Variants in DDAH1 observed in about 807,000 individuals in gnomAD.
DDAH1 encodes the protein N(G),N(G)-dimethylarginine dimethylaminohydrolase 1.
In DDAH1, 19 loss-of-function variants were observed where a neutral mutation model predicts 28.8. The observed-to-expected ratio is 0.66, with a 90% confidence interval of 0.46 to 0.97. DDAH1 has a LOEUF of 0.97. Ranked by LOEUF, DDAH1 falls within the 50% of genes least tolerant of loss-of-function variation. The pLI, the probability that DDAH1 is intolerant of heterozygous loss-of-function variation, is 0.00. For synonymous variants in DDAH1, 153 were observed against 154.4 expected, an observed-to-expected ratio of 0.99 and a Z score of 0.07; for missense variants, 326 against 375.9, an observed-to-expected ratio of 0.87 and a Z score of 1.10.
intron 1 of DDAH1, among the ~76,000 whole-genome samples, chr1:85,530,982 C>T (rs1570647673): frequency 1.0e-5 from 1 of 96,502 alleles, no homozygotes; most frequent in African/African-American, 4.2e-5. Context: ...TAGAGTGAGA[C>T]TCTGTCTCAA....
At chr1:85,524,729 G>T (rs541124676) in intron 1 of DDAH1, among the ~76,000 whole-genome samples, 7 of 151,902 alleles carry the variant, frequency 4.6e-5, no homozygotes, top group Admixed American at 3.9e-4. Flanking sequence ...TCCAGTTACT[G>T]GTTGCGTAAT....
chr1:85,368,136 T>C (rs12079965), intron 1 of DDAH1, among the ~76,000 whole-genome samples: 2,652 of 152,302 alleles, frequency 0.017, 89 homozygotes, highest in African/African-American at 0.061. Context: ...ATCCTGCCTA[T>C]AGAAGACAGT....
chr1:85,345,917 A>G lies in DDAH1; in HGVS notation c.597+4498T>C, dbSNP rs1570407258. ...TGAATTTATGTGTTCTGGGCTTTTT[A>G]GCTGAGAATTGCTAAACTCTTCCTA... On this transcript the variant is annotated intron_variant, in intron 4 of 5. Transcript: ENST00000284031. Among the ~76,000 whole-genome samples, 4 of 152,190 alleles carry G rather than the reference A, an allele frequency of 2.6e-5. No homozygotes were observed. In the South Asian group the frequency reaches 6.2e-4, roughly 24 times the overall value.
At chr1:85,512,052 A>G (rs1657258364) in intron 1 of DDAH1, among the ~76,000 whole-genome samples, 1 of 152,224 alleles carries the variant, frequency 6.6e-6, no homozygotes, top group Non-Finnish European at 1.5e-5. Context: ...ACAAAAAAAG[A>G]GAATTTTAGA....
At chr1:85,381,609 A>T (rs904976140) in intron 1 of DDAH1, among the ~76,000 whole-genome samples, 1 of 151,994 alleles carries the variant, frequency 6.6e-6, no homozygotes, top group African/African-American at 2.4e-5. Flanking sequence ...TTTATATACA[A>T]TGAGTATTTT....
intron 1 of DDAH1, among the ~76,000 whole-genome samples, chr1:85,421,177 C>T (rs932191894): frequency 1.3e-5 from 2 of 152,152 alleles, no homozygotes; most frequent in Non-Finnish European, 2.9e-5. Context: ...CCCATCAGGC[C>T]CCACCTCCAA....
At chr1:85,477,315 C>T (rs1001546527) in intron 2 of DDAH1, among the ~76,000 whole-genome samples, 1 of 152,080 alleles carries the variant, frequency 6.6e-6, no homozygotes, top group African/African-American at 2.4e-5. Flanking sequence ...GTAAGGGCTC[C>T]ATAAATACGT....
intron 5 of DDAH1, among the ~76,000 whole-genome samples, chr1:85,323,313 G>A (rs1271164881): frequency 6.6e-6 from 1 of 152,178 alleles, no homozygotes; most frequent in East Asian, 1.9e-4. Flanking sequence ...CCTCCGGGCA[G>A]AGATGAGATG....
chr1:85,493,233 C>T (rs762991589), intron 2 of DDAH1, among the ~76,000 whole-genome samples: 37 of 152,078 alleles, frequency 2.4e-4, no homozygotes, highest in Non-Finnish European at 5.1e-4. Flanking sequence ...AGGTGCTATG[C>T]CTACCTTGCT....
intron 2 of DDAH1, among the ~76,000 whole-genome samples, chr1:85,355,450 A>T (rs1045530688): frequency 4.6e-5 from 7 of 152,194 alleles, no homozygotes; most frequent in Non-Finnish European, 1.0e-4. Context: ...ACAAAATGTT[A>T]TCGAACTAAA....
At chr1:85,511,130 C>T (rs1657214717) in intron 1 of DDAH1, among the ~76,000 whole-genome samples, 1 of 152,126 alleles carries the variant, frequency 6.6e-6, no homozygotes, top group Non-Finnish European at 1.5e-5. Context: ...TATGAAAGAC[C>T]AGAAATCACA....
At chr1:85,324,705 C>A in intron 5 of DDAH1, 35 bp downstream of exon 5, 1 of 1,610,606 alleles carries the variant, frequency 6.2e-7, no homozygotes, top group South Asian at 1.1e-5. Flanking sequence ...GGGAGGCTGA[C>A]CCAGCTGCAG....
intron 1 of DDAH1, among the ~76,000 whole-genome samples, chr1:85,549,705 AAG>A (rs1172753888): frequency 6.6e-6 from 1 of 152,204 alleles, no homozygotes; most frequent in East Asian, 1.9e-4. Flanking sequence ...TAAGAGAAAT[AAG>A]AGTGTCTTTG....
chr1:85,337,009 A>G (rs1648174705), intron 4 of DDAH1, among the ~76,000 whole-genome samples: 1 of 152,212 alleles, frequency 6.6e-6, no homozygotes, highest in African/African-American at 2.4e-5. Context: ...ATCAAGTGGG[A>G]TTTATCCCAA....
At chr1:85,382,370 T>TGAGGTGA (rs1486553662) in intron 1 of DDAH1, among the ~76,000 whole-genome samples, 4 of 150,892 alleles carry the variant, frequency 2.7e-5, no homozygotes, top group African/African-American at 4.9e-5. Context: ...TGAGAAGAGG[T>TGAGGTGA]GAGGTGAGGA....
intron 4 of DDAH1, among the ~76,000 whole-genome samples, chr1:85,336,595 CA>C (rs889975687): frequency 6.6e-6 from 1 of 151,452 alleles, no homozygotes; most frequent in African/African-American, 2.4e-5. Context: ...AGAAAGATTT[CA>C]AAAAAACAAC....
intron 1 of DDAH1, among the ~76,000 whole-genome samples, chr1:85,443,638 A>G (rs1654302711): frequency 6.6e-6 from 1 of 152,178 alleles, no homozygotes; most frequent in African/African-American, 2.4e-5. Flanking sequence ...TTTTCACAAT[A>G]TTGATTCTTC....
chr1:85,355,495 T>C (rs2100851672), intron 2 of DDAH1, among the ~76,000 whole-genome samples: 1 of 152,278 alleles, frequency 6.6e-6, no homozygotes, highest in East Asian at 1.9e-4. Context: ...TACATCATGA[T>C]CAAATTTGAT....
At chr1:85,342,363 G>C (rs1648548945) in intron 4 of DDAH1, among the ~76,000 whole-genome samples, 1 of 151,456 alleles carries the variant, frequency 6.6e-6, no homozygotes, top group African/African-American at 2.4e-5. Flanking sequence ...GTAAGATCAG[G>C]TCCTGTTGTT....
Sources: gnomAD v4.1 joint callset for allele counts (sites outside exome capture counted in the v4.1 genomes callset) on GRCh38, gnomAD v4.1.1 for gene constraint, MANE v1.5 for transcripts, NCBI Gene and HGNC (gene_info 2026-07-23, HGNC 2026-07-21) for gene names.